The following NUP153 variants were observed in gnomAD, a reference collection of about 807,000 sequenced individuals.
NUP153 encodes nuclear pore complex protein Nup153.
A neutral mutation model predicts 134.6 loss-of-function variants in NUP153; 27 were observed. The observed-to-expected ratio is 0.20, with a 90% CI of 0.15 to 0.28. The LOEUF (loss-of-function observed/expected upper bound fraction) is 0.28. Ranked by LOEUF, NUP153 falls within the 10% of genes least tolerant of loss-of-function variation. The pLI, the probability that NUP153 is intolerant of heterozygous loss-of-function variation, is 1.00. For missense variants in NUP153, 1,821 were observed against 1,731.3 expected, an observed-to-expected ratio of 1.05 and a Z score of -0.92; for synonymous variants, 640 against 623.5, an observed-to-expected ratio of 1.03 and a Z score of -0.40.
chr6:17,696,621 G>C (rs763750668), intron 1 of NUP153, among the ~76,000 whole-genome samples: 3 of 152,090 alleles, frequency 2.0e-5, no homozygotes, highest in Non-Finnish European at 4.4e-5. Context: ...TGGGTGTGGT[G>C]GTGGATGCCT....
At chr6:17,676,233 G>A (rs1768213823) in intron 2 of NUP153, among the ~76,000 whole-genome samples, 1 of 152,034 alleles carries the variant, frequency 6.6e-6, no homozygotes, top group Non-Finnish European at 1.5e-5. Flanking sequence ...GAAAGGATTC[G>A]GCTTCACTGT....
chr6:17,618,726 T>G (rs551304464), intron 20 of NUP153, among the ~76,000 whole-genome samples: 1 of 152,044 alleles, frequency 6.6e-6, no homozygotes, highest in Non-Finnish European at 1.5e-5. Context: ...CCACCACGCC[T>G]GGCTAATTTT....
Position 17,637,758 on chromosome 6 carries a change from G to A in NUP153, c.1859C>T (p.Pro620Leu), listed in dbSNP as rs372868015. 62 of 1,598,300 alleles carry A rather than the reference G, an allele frequency of 3.9e-5. No individual in the cohort carries two copies. The highest frequency in any genetic ancestry group is 4.9e-5 in the Non-Finnish European group (58 of 1,177,506). ...CTGAGCAGCAACAGAATCTATCTTCGGCGATGCGAAACCTACAATGAACGA... is the reference window on the plus strand; with the variant it reads ...CTGAGCAGCAACAGAATCTATCTTCAGCGATGCGAAACCTACAATGAACGA... ...DILKSPGFAS[P>L]KIDSVAAQPT... is the part of the protein sequence containing the mutation. The change falls in exon 16 of 22, where the codon CCG becomes CTG. Residue 620 changes from proline to leucine, a missense_variant. Transcript: ENST00000262077.
rs140045489 is a variant in NUP153, at chr6:17,634,587, C to T, written c.2465-1743G>A. Among the ~76,000 whole-genome samples, 204 of 152,274 alleles carry T rather than the reference C, an allele frequency of 1.3e-3. 1 individual carries two copies. Among genetic ancestry groups the T allele is most frequent in the African/African-American group, 4.7e-3 (194 of 41,552 alleles). ...AAGTAGCTGGGATTACGGGCATCCA[C>T]GACCACGCCCAGCTAATTTTTGTAT... On this transcript the variant is annotated intron_variant, in intron 16 of 21. Coordinates refer to ENST00000262077, the MANE Select transcript of NUP153 (RefSeq NM_005124.4).
chr6:17,706,365 A>C lies in NUP153; in HGVS notation c.23T>G (p.Val8Gly). The change falls in exon 1 of 22, where the codon GTC (valine) becomes GGC (glycine). Residue 8 changes from valine (V) to glycine (G), a missense_variant. By Grantham distance (109) the Val-to-Gly change is moderately radical. Transcript: ENST00000262077. The surrounding 1 kb of genome is among the most constrained non-coding windows in gnomAD (Gnocchi z 5.9). Reference sequence around the variant, plus strand: ...GATCTTGCCGCCACCGCCCCCTCCGACTCCTCCGGCTCCCGAGGCCATGGC... The same window carrying C: ...GATCTTGCCGCCACCGCCCCCTCCGCCTCCTCCGGCTCCCGAGGCCATGGC... MASGAGG[V>G]GGGGGGKIRT... The C allele has an allele frequency of 1.2e-6, 2 of 1,611,180 alleles. No homozygotes were observed. The highest frequency in any genetic ancestry group is 1.1e-5 in the South Asian group (1 of 91,000).
intron 2 of NUP153, among the ~76,000 whole-genome samples, chr6:17,685,439 C>T (rs1011146429): frequency 6.6e-6 from 1 of 151,484 alleles, no homozygotes; most frequent in African/African-American, 2.4e-5. Context: ...GTCCCAGCTA[C>T]TTGGGAGGCT....
chr6:17,655,457 ACTTTTTTTTTTTT>A (rs1766758969), intron 11 of NUP153, among the ~76,000 whole-genome samples: 1 of 107,292 alleles, frequency 9.3e-6, no homozygotes, highest in East Asian at 4.9e-4. Context: ...TCTTATTATT[ACTTTTTTTTTTTT>A]TAAGACAAAG....
At chr6:17,699,450 T>C (rs1206667579) in intron 1 of NUP153, among the ~76,000 whole-genome samples, 1 of 149,922 alleles carries the variant, frequency 6.7e-6, no homozygotes, top group Non-Finnish European at 1.5e-5. Context: ...ACCATTGCAC[T>C]TCAGCCTGGG....
chr6:17,701,115 C>T (rs1421665762), intron 1 of NUP153, among the ~76,000 whole-genome samples: 1 of 151,750 alleles, frequency 6.6e-6, no homozygotes, highest in African/African-American at 2.4e-5. Context: ...ATTCCAGCTA[C>T]TTGGGAGGCT....
chr6:17,648,260 G>C (rs778822567), intron 12 of NUP153, among the ~76,000 whole-genome samples: 1 of 152,178 alleles, frequency 6.6e-6, no homozygotes, highest in African/African-American at 2.4e-5. Context: ...CCATGACAGA[G>C]GGAATTGCTT....
Position 17,628,797 on chromosome 6 carries a change from G to A in NUP153, c.3402C>T (p.Ser1134=), listed in dbSNP as rs762745993. ...NEEPKCQPVF[S]FGNSEQTKDE... is the part of the protein sequence containing the mutation. ...CTTTGGTTTGCTCTGAATTCCCAAA[G>A]GAAAACACTGGTTGACACTTTGGCT... Residue 1134 remains serine, a synonymous_variant, in exon 18 of 22, where the codon TCC becomes TCT. Transcript: ENST00000262077. The surrounding 1 kb of genome is among the most constrained non-coding windows in gnomAD (Gnocchi z 5.4). 7 of 1,614,088 alleles carry A rather than the reference G, an allele frequency of 4.3e-6. No individual in the cohort carries two copies. The highest frequency in any genetic ancestry group is 5.1e-6 in the Non-Finnish European group (6 of 1,180,010).
At chr6:17,687,263 T>C (rs1162392435) in intron 2 of NUP153, among the ~76,000 whole-genome samples, 4 of 152,118 alleles carry the variant, frequency 2.6e-5, no homozygotes, top group Admixed American at 1.3e-4. Context: ...GTGGATATAC[T>C]AGAACTCTCT....
intron 1 of NUP153, among the ~76,000 whole-genome samples, chr6:17,690,054 A>G (rs1307688904): frequency 5.9e-5 from 9 of 152,268 alleles, no homozygotes; most frequent in African/African-American, 9.6e-5. Flanking sequence ...ACCACAGTAT[A>G]TCTAAGACAG....
intron 5 of NUP153, 25 bp downstream of exon 5, chr6:17,674,880 C>A: frequency 1.3e-6 from 2 of 1,503,352 alleles, no homozygotes; most frequent in Non-Finnish European, 1.8e-6. Flanking sequence ...AAAAAAAGAT[C>A]ATCAACCCTT....
At chr6:17,661,595 A>C in intron 11 of NUP153, 58 bp downstream of exon 11, 1 of 1,545,036 alleles carries the variant, frequency 6.5e-7, no homozygotes, top group Non-Finnish European at 8.7e-7. Context: ...TCCCCTTACC[A>C]CCACCACACC....
At chr6:17,627,370 AC>A (rs1484923688) in intron 18 of NUP153, among the ~76,000 whole-genome samples, 1 of 152,198 alleles carries the variant, frequency 6.6e-6, no homozygotes, top group Non-Finnish European at 1.5e-5. Flanking sequence ...TGAATTCCAT[AC>A]TTTTTAAAGG....
At chr6:17,701,576 G>A (rs2150253939) in intron 1 of NUP153, among the ~76,000 whole-genome samples, 1 of 151,166 alleles carries the variant, frequency 6.6e-6, no homozygotes, top group Admixed American at 6.6e-5. Flanking sequence ...GCAGAGAACT[G>A]CTTGAACCCA....
chr6:17,664,575 G>A (rs1263232082), intron 9 of NUP153, among the ~76,000 whole-genome samples: 3 of 152,124 alleles, frequency 2.0e-5, no homozygotes, highest in East Asian at 1.9e-4. Context: ...GGATAATATA[G>A]GACAAAGTAC....
rs1453135636 is a variant in NUP153 at position 17,688,436 on chromosome 6, A to G, written c.294T>C (p.Asp98=). ...CTGCTGGCTCAGGTGTGATTCTCCC[A>G]TCAGTAATATTAGAGCTCTCCTCAT... The part of the protein sequence containing the change: ...YADEESSNIT[D]GRITPEPAVS... The change falls in exon 2 of 22, where the codon GAT becomes GAC. Residue 98 remains aspartate, a synonymous_variant. Transcript: ENST00000262077. 1 of 1,614,108 alleles carries G rather than the reference A, an allele frequency of 6.2e-7. No individual in the cohort carries two copies. The highest frequency in any genetic ancestry group is 8.5e-7 in the Non-Finnish European group (1 of 1,179,988).
Sources: gnomAD v4.1 joint callset for allele counts (sites outside exome capture counted in the v4.1 genomes callset) on GRCh38, gnomAD v4.1.1 for gene constraint, Gnocchi (gnomAD v3.1) non-coding constraint, MANE v1.5 for transcripts, NCBI Gene and HGNC (gene_info 2026-07-23, HGNC 2026-07-21) for gene names.